The following CAMTA1 variants were observed in gnomAD, a reference collection of about 807,000 sequenced individuals.
The protein encoded by CAMTA1 is calmodulin-binding transcription activator 1.
A neutral mutation model predicts 170.9 loss-of-function variants in CAMTA1; 27 were observed. The ratio of observed to expected loss-of-function variants is 0.16; its 90% CI spans 0.12 to 0.22. The LOEUF (loss-of-function observed/expected upper bound fraction) is 0.22. Ranked by LOEUF, CAMTA1 falls within the 10% of genes least tolerant of loss-of-function variation. The pLI, the probability that CAMTA1 is intolerant of heterozygous loss-of-function variation, is 1.00. For missense variants in CAMTA1, 1,619 were observed against 2,217.2 expected, an observed-to-expected ratio of 0.73 and a Z score of 5.42; for synonymous variants, 833 against 891.5, an observed-to-expected ratio of 0.93 and a Z score of 1.17.
At chr1:7,478,356 C>T (rs1436657024) in intron 6 of CAMTA1, among the ~76,000 whole-genome samples, 4 of 152,180 alleles carry the variant, frequency 2.6e-5, no homozygotes, top group East Asian at 1.9e-4. Context: ...GGAAGCTCTG[C>T]CTTCTGGCAC....
intron 3 of CAMTA1, among the ~76,000 whole-genome samples, chr1:7,018,668 C>T (rs1006012852): frequency 7.9e-5 from 12 of 152,130 alleles, no homozygotes; most frequent in Non-Finnish European, 1.5e-4. Context: ...TCTCGATAAC[C>T]GGAATCAGCA....
intron 4 of CAMTA1, among the ~76,000 whole-genome samples, chr1:7,152,270 C>T (rs780860249): frequency 1.3e-5 from 2 of 152,120 alleles, no homozygotes; most frequent in Non-Finnish European, 2.9e-5. Context: ...TGCCAAGACT[C>T]GAAGCAGTAG....
chr1:7,515,178 T>C (rs1008665224), intron 6 of CAMTA1, among the ~76,000 whole-genome samples: 1 of 152,020 alleles, frequency 6.6e-6, no homozygotes, highest in African/African-American at 2.4e-5. Context: ...CCACCTGGGA[T>C]CATCAGGCTG....
rs182702406 is a variant in CAMTA1 at position 7,166,593 on chromosome 1, G to A, written c.302+75222G>A. On this transcript the variant is annotated intron_variant, in intron 4 of 22. Coordinates refer to ENST00000303635, the MANE Select transcript of CAMTA1 (RefSeq NM_015215.4). Reference sequence around the variant, plus strand: ...AGCTTCTTCTCATAGAGGGTTATTGGCCATTTGGGTTTCTTCTGTGAATTG... The same window carrying A: ...AGCTTCTTCTCATAGAGGGTTATTGACCATTTGGGTTTCTTCTGTGAATTG... 1.7e-3 allele frequency among the ~76,000 whole-genome samples: 262 copies of A among 152,156 alleles called. 1 individual carries two copies. The highest frequency in any genetic ancestry group is 5.9e-3 in the African/African-American group (246 of 41,520).
rs1196010548 is a variant in CAMTA1, at chr1:7,493,092, C to G, written c.510+25191C>G. 1.4e-5 allele frequency among the ~76,000 whole-genome samples: 2 copies of G among 140,176 alleles called. 1 individual carries two copies. The highest frequency in any genetic ancestry group is 5.6e-5 in the African/African-American group (2 of 36,004). The allele number at this position is 140,176 out of a possible 152,430, so 92.0% of individuals were successfully genotyped here. On this transcript the variant is annotated intron_variant, in intron 6 of 22. Transcript: ENST00000303635. ...ACACACAGACATACAAACGTGAGCA[C>G]ACAACACAAACCTACATACACACAC...
chr1:7,570,594 T>TGGAA lies in CAMTA1; in HGVS notation c.511-69803_511-69800dup, dbSNP rs2095113687. Among the ~76,000 whole-genome samples the TGGAA allele has an allele frequency of 6.6e-6, 1 of 152,238 alleles. No individual in the cohort carries two copies. The highest frequency in any genetic ancestry group is 2.4e-5 in the African/African-American group (1 of 41,470). On this transcript the variant is annotated intron_variant, in intron 6 of 22. Coordinates refer to ENST00000303635, the MANE Select transcript of CAMTA1 (RefSeq NM_015215.4). This position sits in a 1 kb window ranked among gnomAD's most constrained non-coding sequence, Gnocchi z 4.3. ...GTGCCATTGAACTTTGTCCTGAAAG[T>TGGAA]GGAAGGCAGGGGTGCCTTGCTGGTT...
chr1:7,466,991 G>A (rs987891155), intron 5 of CAMTA1, among the ~76,000 whole-genome samples: 1 of 150,116 alleles, frequency 6.7e-6, no homozygotes, highest in Non-Finnish European at 1.5e-5. Context: ...CCTGGCCCAC[G>A]GTGCCCAGCT....
intron 6 of CAMTA1, among the ~76,000 whole-genome samples, chr1:7,636,151 AC>A (rs374808263): frequency 5.3e-5 from 8 of 151,624 alleles, no homozygotes; most frequent in African/African-American, 1.7e-4. Context: ...CCGGGAAGGG[AC>A]CCCCCACCCC....
At chr1:7,210,284 C>T (rs1458266082) in intron 4 of CAMTA1, among the ~76,000 whole-genome samples, 1 of 152,160 alleles carries the variant, frequency 6.6e-6, no homozygotes, top group African/African-American at 2.4e-5. Context: ...ATGACCTTGC[C>T]ATTTTTGCAG....
In CAMTA1 at chr1:7,732,301, C is replaced by T. The variant is rs1421726731; in HGVS notation, c.2915-147C>T. 1 of 651,944 alleles carries T rather than the reference C, an allele frequency of 1.5e-6. No individual in the cohort carries two copies. Among genetic ancestry groups the T allele is most frequent in the African/African-American group, 1.8e-5 (1 of 54,838 alleles). The allele number at this position is 651,944 out of a possible 1,614,324, so 40.4% of individuals were successfully genotyped here. A position where few individuals can be genotyped will look rare whatever the true frequency, so the allele number is the denominator to read the frequency against. ...AGGTGGTGACAGATTCACGATCGTG[C>T]TGGGGAACTCTGGCTGGCGGAGACC... On this transcript the variant is annotated intron_variant, in intron 11 of 22. Coordinates refer to ENST00000303635, the MANE Select transcript of CAMTA1 (RefSeq NM_015215.4). The surrounding 1 kb of genome is among the most constrained non-coding windows in gnomAD (Gnocchi z 4.1).
At chr1:6,917,413 A>G (rs952507259) in intron 3 of CAMTA1, among the ~76,000 whole-genome samples, 2 of 152,138 alleles carry the variant, frequency 1.3e-5, no homozygotes, top group Admixed American at 1.3e-4. Flanking sequence ...GGATGCGAGG[A>G]AACTGTTAAG....
rs189235594 is a variant in CAMTA1, at chr1:7,758,883, C to G, written c.4989+3215C>G. On this transcript the variant is annotated intron_variant, in intron 22 of 22. Transcript: ENST00000303635. ...CCGGGAGGCGGAGCTTGCAGTGAGC[C>G]GAGATAGCGCCACTGCAGTCCGGCC... Among the ~76,000 whole-genome samples the G allele has an allele frequency of 7.7e-4, 112 of 144,880 alleles. 3 individuals carry two copies. The East Asian group carries it at 0.022, about 29-fold the overall frequency.
At chr1:7,498,350 GTA>G (rs1491356495) in intron 6 of CAMTA1, among the ~76,000 whole-genome samples, 2 of 145,716 alleles carry the variant, frequency 1.4e-5, no homozygotes, top group African/African-American at 2.6e-5. Context: ...ATGAGTGTGT[GTA>G]GAGTGAGTGT....
intron 4 of CAMTA1, among the ~76,000 whole-genome samples, chr1:7,207,035 C>G (rs1031117573): frequency 6.6e-6 from 1 of 152,222 alleles, no homozygotes; most frequent in Admixed American, 6.5e-5. Flanking sequence ...GGGAAACACA[C>G]TTCTGTAAAA....
At chr1:7,392,839 G>A (rs996478188) in intron 5 of CAMTA1, among the ~76,000 whole-genome samples, 7 of 151,958 alleles carry the variant, frequency 4.6e-5, no homozygotes, top group South Asian at 2.1e-4. Context: ...ACGCCACTGA[G>A]CTCCAGCCTG....
At chr1:7,225,374 G>A (rs1459939875) in intron 4 of CAMTA1, among the ~76,000 whole-genome samples, 3 of 152,170 alleles carry the variant, frequency 2.0e-5, no homozygotes, top group South Asian at 2.1e-4. Context: ...GTGAGCCACC[G>A]TGCCCGGCCA....
chr1:6,905,645 C>A (rs1409658378), intron 3 of CAMTA1, among the ~76,000 whole-genome samples: 1 of 152,180 alleles, frequency 6.6e-6, no homozygotes, highest in African/African-American at 2.4e-5. Flanking sequence ...GCTTCACATT[C>A]AAGTTTCAGT....
At chr1:7,176,127 C>T (rs188190688) in intron 4 of CAMTA1, among the ~76,000 whole-genome samples, 164 of 152,290 alleles carry the variant, frequency 1.1e-3, no homozygotes, top group Non-Finnish European at 1.8e-3. Context: ...GGATAGATAC[C>T]TCTTGATTCA....
intron 6 of CAMTA1, among the ~76,000 whole-genome samples, chr1:7,519,776 A>T (rs1268066387): frequency 6.6e-6 from 1 of 151,574 alleles, no homozygotes; most frequent in African/African-American, 2.4e-5. Flanking sequence ...AGGTGCCACC[A>T]TCTATCTGGT....
Sources: allele counts gnomAD v4.1 joint callset (sites outside exome capture counted in the v4.1 genomes callset), GRCh38; gene constraint gnomAD v4.1.1; non-coding constraint Gnocchi (gnomAD v3.1); transcripts MANE v1.5; gene names NCBI Gene and HGNC (gene_info 2026-07-23, HGNC 2026-07-21).